Variants in MARK2 observed in about 807,000 individuals in gnomAD.
The protein encoded by MARK2 is microtubule affinity regulating kinase 2.
Under a neutral mutation model 89.8 loss-of-function variants are expected in MARK2, and 16 were observed. That is an observed-to-expected ratio of 0.18 (90% CI 0.12 to 0.27). MARK2 has a LOEUF of 0.27. Among genes scored for constraint, MARK2 ranks in the 10% least tolerant of loss-of-function variants. The pLI is 1.00. For synonymous variants in MARK2, 382 were observed against 399.5 expected (o/e 0.96, Z 0.52); for missense variants, 621 against 1,049.9 (o/e 0.59, Z 5.65).
Position 63,909,324 on chromosome 11 carries a change from C to G in MARK2, c.*87C>G. On this transcript the variant is annotated 3_prime_UTR_variant, in exon 19 of 19. Coordinates refer to ENST00000402010, the MANE Select transcript of MARK2 (RefSeq NM_001039469.3). ...CCGCCCCACCTGGGCGAGACTGCAGCGATGGATTGGTGTGTCTCCCCTGCT... is the reference window on the plus strand; with the variant it reads ...CCGCCCCACCTGGGCGAGACTGCAGGGATGGATTGGTGTGTCTCCCCTGCT... The G allele has an allele frequency of 7.3e-7, 1 of 1,366,544 alleles. No individual in the cohort carries two copies. Among genetic ancestry groups the G allele is most frequent in the African/African-American group, 1.5e-5 (1 of 68,284 alleles). The allele number at this position is 1,366,544 out of a possible 1,614,324, so 84.7% of individuals were successfully genotyped here.
Position 63,910,249 on chromosome 11 carries a change from A to ATCTGGGC in MARK2, c.*1013_*1019dup, listed in dbSNP as rs1941665856. ...CATGGCTTCCCCTTCATTGGCATTA[A>ATCTGGGC]TCTGGGCACCAGCTCTCTCCATAGC... is the stretch of plus-strand genomic sequence containing the variant. On this transcript the variant is annotated 3_prime_UTR_variant, in exon 19 of 19. Coordinates refer to ENST00000402010, the MANE Select transcript of MARK2 (RefSeq NM_001039469.3). 2 of 152,696 alleles carry ATCTGGGC rather than the reference A, an allele frequency of 1.3e-5. No individual in the cohort carries two copies. Among genetic ancestry groups the ATCTGGGC allele is most frequent in the Non-Finnish European group, 2.9e-5 (2 of 68,302 alleles). 9.5% of individuals were successfully genotyped at this position (152,696 alleles called of 1,614,324 possible). A position where few individuals can be genotyped will look rare whatever the true frequency, so the allele number is the denominator to read the frequency against.
chr11:63,887,769 G>T (rs1204971954), intron 1 of MARK2, among the ~76,000 whole-genome samples: 1 of 152,218 alleles, frequency 6.6e-6, no homozygotes, highest in Admixed American at 6.5e-5. Context: ...AGCTTGCCCT[G>T]TGCTCACCAT....
intron 1 of MARK2, among the ~76,000 whole-genome samples, chr11:63,841,141 T>C (rs939668014): frequency 2.0e-5 from 3 of 152,216 alleles, no homozygotes; most frequent in Non-Finnish European, 4.4e-5. Flanking sequence ...TCCCTCTTAC[T>C]CCCTTCTTTC....
Position 63,910,599 on chromosome 11 carries a change from A to C in MARK2, c.*1362A>C, listed in dbSNP as rs1308144433. 1 of 151,294 alleles carries C rather than the reference A, an allele frequency of 6.6e-6. No individual in the cohort carries two copies. Among genetic ancestry groups the C allele is most frequent in the African/African-American group, 2.4e-5 (1 of 41,084 alleles). The allele number at this position is 151,294 out of a possible 1,614,324, so 9.4% of individuals were successfully genotyped here. On this transcript the variant is annotated 3_prime_UTR_variant, in exon 19 of 19. Transcript: ENST00000402010. ...CTACACAGAGGCTGCCCCTACCCTCACCTGAGTTGTACATTTTTTTGTGAT... is the reference window on the plus strand; with the variant it reads ...CTACACAGAGGCTGCCCCTACCCTCCCCTGAGTTGTACATTTTTTTGTGAT...
At chr11:63,908,846 C>CA (rs1341257106) in intron 18 of MARK2, 31 bp from the exon 19 acceptor site, 2 of 1,436,270 alleles carry the variant, frequency 1.4e-6, no homozygotes, top group Non-Finnish European at 1.8e-6. Flanking sequence ...CCTCAGCCCC[C>CA]CCGTGACGCC....
intron 1 of MARK2, among the ~76,000 whole-genome samples, chr11:63,851,233 T>G (rs916970127): frequency 6.6e-6 from 1 of 152,216 alleles, no homozygotes; most frequent in Admixed American, 6.6e-5. Flanking sequence ...GGAGCCTGCA[T>G]GCCTTCTCAG....
intron 1 of MARK2, among the ~76,000 whole-genome samples, chr11:63,894,836 G>T (rs1350183362): frequency 1.3e-5 from 2 of 152,176 alleles, no homozygotes. Context: ...ATGGAGGGAG[G>T]CAGGGTACCG....
At chr11:63,871,609 A>G (rs1201574580) in intron 1 of MARK2, among the ~76,000 whole-genome samples, 1 of 146,300 alleles carries the variant, frequency 6.8e-6, no homozygotes, top group Non-Finnish European at 1.5e-5. Flanking sequence ...GTGGCTGAAG[A>G]GTATTCACTG....
chr11:63,846,022 A>G (rs1242889662), intron 1 of MARK2, among the ~76,000 whole-genome samples: 1 of 151,564 alleles, frequency 6.6e-6, no homozygotes, highest in African/African-American at 2.4e-5. Flanking sequence ...CGCGCCCGGC[A>G]TCATTGCTTA....
intron 1 of MARK2, among the ~76,000 whole-genome samples, chr11:63,866,669 T>A (rs1233738172): frequency 1.3e-5 from 2 of 152,206 alleles, no homozygotes; most frequent in East Asian, 3.8e-4. Context: ...ACAGGAAAGA[T>A]TTTAAATAAA....
intron 1 of MARK2, chr11:63,880,085 C>G (rs1938999211): frequency 6.6e-6 from 1 of 151,324 alleles, no homozygotes; most frequent in African/African-American, 2.4e-5. Flanking sequence ...AGGGTTAAAT[C>G]TGTACCCAGG....
At chr11:63,894,696 C>CA in intron 1 of MARK2, among the ~76,000 whole-genome samples, 1 of 152,062 alleles carries the variant, frequency 6.6e-6, no homozygotes, top group African/African-American at 2.4e-5. Context: ...AGCTCTGTCT[C>CA]AAAAAAATAA....
chr11:63,866,764 A>C (rs1239681350), intron 1 of MARK2, among the ~76,000 whole-genome samples: 1 of 152,212 alleles, frequency 6.6e-6, no homozygotes, highest in South Asian at 2.1e-4. Context: ...GATTTGGACC[A>C]ACCGTCTCAC....
chr11:63,851,041 A>G (rs1406328601), intron 1 of MARK2, among the ~76,000 whole-genome samples: 1 of 152,156 alleles, frequency 6.6e-6, no homozygotes, highest in Non-Finnish European at 1.5e-5. Context: ...TCAGCAGCCC[A>G]TGATTGTAGG....
intron 1 of MARK2, among the ~76,000 whole-genome samples, chr11:63,842,983 G>A (rs959381623): frequency 1.3e-5 from 2 of 151,382 alleles, no homozygotes; most frequent in Admixed American, 6.6e-5. Context: ...TGTCCACTTC[G>A]CTTATAACAG....
At position 63,839,255 on chromosome 11, in the gene MARK2, G is replaced by A. The variant is rs963149092; in HGVS notation, c.-252G>A. The A allele has an allele frequency of 7.0e-4, 181 of 258,140 alleles. No individual in the cohort carries two copies. Among genetic ancestry groups the A allele is most frequent in the Non-Finnish European group, 1.2e-3 (163 of 138,616 alleles). The allele number at this position is 258,140 out of a possible 1,614,324, so 16.0% of individuals were successfully genotyped here. ...GAGAGTAGGCGGAGCGGCGCGGCCCGGCCGAAAGGCGGCACAGCCCAGCCG... is the reference window on the plus strand; with the variant it reads ...GAGAGTAGGCGGAGCGGCGCGGCCCAGCCGAAAGGCGGCACAGCCCAGCCG... On this transcript the variant is annotated 5_prime_UTR_variant, in exon 1 of 19. Transcript: ENST00000402010.
chr11:63,906,781 C>G (rs954073031), intron 17 of MARK2, among the ~76,000 whole-genome samples: 1 of 151,928 alleles, frequency 6.6e-6, no homozygotes, highest in South Asian at 2.1e-4. Flanking sequence ...CACAGCACCC[C>G]CTCCTGGCAG....
chr11:63,888,941 G>C, intron 1 of MARK2: 1 of 1,351,580 alleles, frequency 7.4e-7, no homozygotes, highest in East Asian at 4.6e-5. Context: ...GTCGCTGGTA[G>C]TCCTTTTCCC....
rs1565100741 is a variant in MARK2, at chr11:63,856,768, G to GGT, written c.54+17208_54+17209insGT. Among the ~76,000 whole-genome samples, 10 of 53,808 alleles carry GGT rather than the reference G, an allele frequency of 1.9e-4. No individual in the cohort carries two copies. The East Asian group carries it at 3.4e-3, about 18-fold the overall frequency. The allele number at this position is 53,808 out of a possible 152,430, so 35.3% of individuals were successfully genotyped here. On this transcript the variant is annotated intron_variant, in intron 1 of 18. Transcript: ENST00000402010. ...TTTTTTCCATTTTTAAATTTTTCAT[G>GGT]TTTTTTTTTTTTTTTTTTTTTTTTT...
Sources: allele counts gnomAD v4.1 joint callset (sites outside exome capture counted in the v4.1 genomes callset), GRCh38; gene constraint gnomAD v4.1.1; transcripts MANE v1.5; gene names NCBI Gene and HGNC (gene_info 2026-07-23, HGNC 2026-07-21).